NWD2: variants seen among roughly 807,000 people sequenced by gnomAD.
NWD2 encodes the protein NACHT and WD repeat domain-containing protein 2.
A neutral mutation model predicts 132.7 loss-of-function variants in NWD2; 37 were observed. That is an observed-to-expected ratio of 0.28 (90% CI 0.21 to 0.37). NWD2 has a LOEUF of 0.37. NWD2 is among the 10% of genes least tolerant of loss of function. NWD2 has a pLI of 1.00. For missense variants in NWD2, 1,592 were observed against 2,122.4 expected, an observed-to-expected ratio of 0.75 and a Z score of 4.91; for synonymous variants, 705 against 803.0, an observed-to-expected ratio of 0.88 and a Z score of 2.06.
chr4:37,365,688 T>C (rs1273868361), intron 3 of NWD2, among the ~76,000 whole-genome samples: 1 of 152,196 alleles, frequency 6.6e-6, no homozygotes, highest in Non-Finnish European at 1.5e-5. Context: ...AGCTTTCTTC[T>C]CAACAGTATT....
intron 1 of NWD2, among the ~76,000 whole-genome samples, chr4:37,273,787 A>T (rs532754466): frequency 6.6e-6 from 1 of 152,076 alleles, no homozygotes; most frequent in South Asian, 2.1e-4. Context: ...CACTCAAAAC[A>T]GCTCAACTAC....
At chr4:37,368,570 T>G (rs1720145845) in intron 3 of NWD2, among the ~76,000 whole-genome samples, 1 of 152,118 alleles carries the variant, frequency 6.6e-6, no homozygotes. Context: ...AATATAATAT[T>G]AGTTAGCTGC....
At chr4:37,342,158 C>T (rs966265952) in intron 2 of NWD2, among the ~76,000 whole-genome samples, 1 of 152,226 alleles carries the variant, frequency 6.6e-6, no homozygotes, top group Middle Eastern at 3.4e-3. Context: ...GTCACAGAGG[C>T]GAATCCTTCT....
rs28824260 is a variant in NWD2 at position 37,353,180 on chromosome 4, G to A, written c.241-3186G>A. On this transcript the variant is annotated intron_variant, in intron 2 of 6. Transcript: ENST00000309447. ...TCTTTAAGAATGTTGAATATTGGCC[G>A]CCACTCTCTTCTGGCTTGTAGTGTT... Among the ~76,000 whole-genome samples, 1,036 of 152,194 alleles carry A rather than the reference G, an allele frequency of 6.8e-3. 11 individuals are homozygous for A. Among genetic ancestry groups the A allele is most frequent in the African/African-American group, 0.024 (978 of 41,522 alleles).
At chr4:37,322,122 G>C (rs901381971) in intron 1 of NWD2, among the ~76,000 whole-genome samples, 1 of 152,112 alleles carries the variant, frequency 6.6e-6, no homozygotes, top group Admixed American at 6.6e-5. Flanking sequence ...TGTCACTGGC[G>C]CATGTGTGGC....
chr4:37,346,374 G>A (rs1031586681), intron 2 of NWD2, among the ~76,000 whole-genome samples: 17 of 152,136 alleles, frequency 1.1e-4, no homozygotes, highest in Admixed American at 1.1e-3. Flanking sequence ...TGATTACTAT[G>A]TCTATCCTTA....
At chr4:37,345,065 T>C (rs1304039222) in intron 2 of NWD2, among the ~76,000 whole-genome samples, 1 of 152,218 alleles carries the variant, frequency 6.6e-6, no homozygotes, top group African/African-American at 2.4e-5. Flanking sequence ...TACTTATTAT[T>C]CCTCAATAGT....
At chr4:37,273,796 A>G (rs987600720) in intron 1 of NWD2, among the ~76,000 whole-genome samples, 1 of 152,172 alleles carries the variant, frequency 6.6e-6, no homozygotes, top group Non-Finnish European at 1.5e-5. Flanking sequence ...CAGCTCAACT[A>G]CATGGAAACT....
chr4:37,384,580 G>A (rs764941566), intron 3 of NWD2, among the ~76,000 whole-genome samples: 1 of 152,124 alleles, frequency 6.6e-6, no homozygotes, highest in Non-Finnish European at 1.5e-5. Flanking sequence ...CTGCCTCCTT[G>A]GGCCTGGTAC....
chr4:37,357,593 G>T (rs1012993091), intron 3 of NWD2, among the ~76,000 whole-genome samples: 81 of 152,148 alleles, frequency 5.3e-4, no homozygotes, highest in African/African-American at 1.9e-3. Flanking sequence ...ATACGAAATT[G>T]TTATTTTGTG....
At chr4:37,347,760 A>ATATT (rs1031093150) in intron 2 of NWD2, among the ~76,000 whole-genome samples, 63 of 152,342 alleles carry the variant, frequency 4.1e-4, no homozygotes, top group African/African-American at 1.5e-3. Flanking sequence ...GAGCAAGTAT[A>ATATT]TATTTATAGC....
At chr4:37,357,651 AT>A (rs1719897525) in intron 3 of NWD2, among the ~76,000 whole-genome samples, 1 of 152,098 alleles carries the variant, frequency 6.6e-6, no homozygotes, top group Non-Finnish European at 1.5e-5. Context: ...AGAAGATAAA[AT>A]TTTTTGCTTT....
rs1205593318 is a variant in NWD2 at position 37,348,629 on chromosome 4, G to A, written c.241-7737G>A. Among the ~76,000 whole-genome samples, 3 of 60,130 alleles carry A rather than the reference G, an allele frequency of 5.0e-5. 1 individual carries two copies. Among genetic ancestry groups the A allele is most frequent in the Non-Finnish European group, 8.9e-5 (3 of 33,794 alleles). 39.4% of individuals were successfully genotyped at this position (60,130 alleles called of 152,430 possible). The stretch of plus-strand genomic sequence containing the variant: ...GTTGAATTTTAAGATCCTTGCCTGT[G>A]GTTAATTCATATATATATATATATA... On this transcript the variant is annotated intron_variant, in intron 2 of 6. Transcript: ENST00000309447.
intron 3 of NWD2, among the ~76,000 whole-genome samples, chr4:37,408,234 C>G (rs1382237562): frequency 8.0e-6 from 1 of 125,310 alleles, no homozygotes; most frequent in South Asian, 2.5e-4. Flanking sequence ...TGGTCTGGCT[C>G]GGCAGGTCCC....
intron 3 of NWD2, among the ~76,000 whole-genome samples, chr4:37,406,423 G>A (rs1470846605): frequency 6.6e-6 from 1 of 152,050 alleles, no homozygotes; most frequent in Non-Finnish European, 1.5e-5. Flanking sequence ...TTTGACCCAG[G>A]AATCCCATTA....
chr4:37,324,044 G>A (rs1023605186), intron 1 of NWD2, among the ~76,000 whole-genome samples: 6 of 152,076 alleles, frequency 3.9e-5, no homozygotes, highest in Non-Finnish European at 7.4e-5. Context: ...AGCTAGTGGC[G>A]AGAGGAAGGG....
intron 3 of NWD2, among the ~76,000 whole-genome samples, chr4:37,395,644 C>CATT (rs1482124045): frequency 6.8e-6 from 1 of 146,654 alleles, no homozygotes; most frequent in East Asian, 2.0e-4. Context: ...TTCTCAGATC[C>CATT]ATTATGGGGA....
chr4:37,406,698 G>C (rs2109317498), intron 3 of NWD2, among the ~76,000 whole-genome samples: 1 of 152,254 alleles, frequency 6.6e-6, no homozygotes, highest in South Asian at 2.1e-4. Flanking sequence ...ACGAGTTTGA[G>C]ACCCGCCTGA....
rs144825126 is a variant in NWD2 at position 37,265,043 on chromosome 4, C to A, written c.151+19825C>A. Among the ~76,000 whole-genome samples, 322 of 152,018 alleles carry A rather than the reference C, an allele frequency of 2.1e-3. 1 individual carries two copies. Among genetic ancestry groups the A allele is most frequent in the African/African-American group, 7.3e-3 (304 of 41,492 alleles). On this transcript the variant is annotated intron_variant, in intron 1 of 6. Transcript: ENST00000309447. Reference sequence around the variant, plus strand: ...AATTGAAACAATATTAAAATCAGATCAAAAATGTATCTAAAGCTGAACTCC... The same window carrying A: ...AATTGAAACAATATTAAAATCAGATAAAAAATGTATCTAAAGCTGAACTCC...
Sources: allele counts gnomAD v4.1 joint callset (sites outside exome capture counted in the v4.1 genomes callset), GRCh38; gene constraint gnomAD v4.1.1; transcripts MANE v1.5; gene names NCBI Gene and HGNC (gene_info 2026-07-23, HGNC 2026-07-21).